Variants in MRPS9 observed in about 807,000 individuals in gnomAD.
MRPS9 encodes small ribosomal subunit protein uS9m.
In MRPS9, 45 loss-of-function variants were observed where a neutral mutation model predicts 59.9. That is an observed-to-expected ratio of 0.75 (90% CI 0.59 to 0.96). The LOEUF is 0.96. Ranked by LOEUF, MRPS9 falls within the 40% of genes least tolerant of loss-of-function variation. MRPS9 has a pLI of 0.00. For missense variants in MRPS9, 473 were observed against 481.1 expected (o/e 0.98, Z 0.16); for synonymous variants, 171 against 166.8 (o/e 1.03, Z -0.19).
chr2:105,066,125 G>A (rs141295772), intron 2 of MRPS9, among the ~76,000 whole-genome samples: 3,104 of 152,130 alleles, frequency 0.02, 49 homozygotes, highest in Non-Finnish European at 0.034. Context: ...AAAACAACTG[G>A]CTTATTTTAT....
chr2:105,090,309 C>T (rs149140266), intron 7 of MRPS9, among the ~76,000 whole-genome samples: 1 of 152,250 alleles, frequency 6.6e-6, no homozygotes, highest in Non-Finnish European at 1.5e-5. Flanking sequence ...CATCTCCTTA[C>T]GTAAGGCCAG....
At chr2:105,082,169 C>T (rs530744721) in intron 5 of MRPS9, among the ~76,000 whole-genome samples, 1 of 152,276 alleles carries the variant, frequency 6.6e-6, no homozygotes, top group East Asian at 1.9e-4. Flanking sequence ...CACGGGAGGT[C>T]GCCCCTGAAG....
chr2:105,050,714 G>A lies in MRPS9; in HGVS notation c.315+1364G>A, dbSNP rs554672674. 3.3e-5 allele frequency among the ~76,000 whole-genome samples: 5 copies of A among 152,230 alleles called. No homozygotes were observed. The South Asian group carries it at 1.0e-3, about 32-fold the overall frequency. ...AAAATTATTGACCATTATTGCTTTT[G>A]TCAGGAATGTAATAATTGAAGAGTG... On this transcript the variant is annotated intron_variant, in intron 2 of 10. Transcript: ENST00000258455.
chr2:105,097,172 CT>C lies in MRPS9; in HGVS notation c.950del (p.Phe317SerfsTer12). On this transcript the variant is annotated frameshift_variant, in exon 10 of 11. Transcript: ENST00000258455. LOFTEE classifies it high-confidence loss of function. ...ITQDREQLMF[P>X]FHFVDRLGKH... ...TGCTTTAGAGAACAGCTGATGTTCC[CT>C]TTCCACTTTGTTGACCGGCTGGGAA... The C allele has an allele frequency of 6.3e-7, 1 of 1,585,996 alleles. No homozygotes were observed. Among genetic ancestry groups the C allele is most frequent in the Non-Finnish European group, 8.6e-7 (1 of 1,166,646 alleles).
chr2:105,054,425 T>C (rs1573421235), intron 2 of MRPS9, among the ~76,000 whole-genome samples: 1 of 152,192 alleles, frequency 6.6e-6, no homozygotes, highest in South Asian at 2.1e-4. Context: ...TAGGTTGATA[T>C]TGTCTCACCT....
chr2:105,090,468 A>G (rs1273768188), intron 7 of MRPS9, among the ~76,000 whole-genome samples: 5 of 151,514 alleles, frequency 3.3e-5, no homozygotes, highest in African/African-American at 1.2e-4. Flanking sequence ...TGGGATCTGC[A>G]AACCACCTCT....
intron 7 of MRPS9, among the ~76,000 whole-genome samples, chr2:105,090,596 T>A (rs1251435792): frequency 2.6e-5 from 4 of 152,224 alleles, no homozygotes; most frequent in Admixed American, 2.6e-4. Flanking sequence ...TCCAGGCGAA[T>A]CTTATACCCT....
intron 1 of MRPS9, among the ~76,000 whole-genome samples, chr2:105,044,571 AT>A (rs1437795704): frequency 1.3e-5 from 2 of 152,152 alleles, no homozygotes; most frequent in African/African-American, 2.4e-5. Flanking sequence ...AATTAGGGCC[AT>A]TTTTTTAAAG....
chr2:105,050,810 C>T (rs771120139), intron 2 of MRPS9, among the ~76,000 whole-genome samples: 4 of 152,096 alleles, frequency 2.6e-5, no homozygotes, highest in Non-Finnish European at 5.9e-5. Flanking sequence ...TCTAAGTTTG[C>T]CTACCCCGGA....
chr2:105,067,428 T>C (rs1388211055), intron 2 of MRPS9, among the ~76,000 whole-genome samples: 1 of 152,100 alleles, frequency 6.6e-6, no homozygotes, highest in African/African-American at 2.4e-5. Flanking sequence ...ACATAGTCAG[T>C]TTGTCCTGCT....
At chr2:105,067,918 C>T (rs905007413) in intron 2 of MRPS9, among the ~76,000 whole-genome samples, 2 of 152,190 alleles carry the variant, frequency 1.3e-5, no homozygotes, top group Admixed American at 1.3e-4. Context: ...GACTTGAACT[C>T]TTGGGCTCAA....
chr2:105,071,414 A>C, intron 3 of MRPS9, 39 bp downstream of exon 3: 1 of 1,584,572 alleles, frequency 6.3e-7, no homozygotes, highest in South Asian at 1.1e-5. Context: ...TTTCACTTTT[A>C]TATGTTATGA....
intron 9 of MRPS9, 118 bp downstream of exon 9, chr2:105,093,756 T>A (rs376872601): frequency 9.7e-6 from 5 of 514,930 alleles, no homozygotes; most frequent in East Asian, 6.5e-5. Flanking sequence ...TATTTCTCTT[T>A]ACCAATGTAA....
chr2:105,091,196 A>G (rs117076353), intron 7 of MRPS9: 1 of 443,266 alleles, frequency 2.3e-6, no homozygotes, highest in East Asian at 7.1e-5. Flanking sequence ...ACTTTGGGGT[A>G]CTGGATATCA....
chr2:105,074,322 T>C (rs1351557181), intron 4 of MRPS9, among the ~76,000 whole-genome samples: 1 of 152,130 alleles, frequency 6.6e-6, no homozygotes, highest in Non-Finnish European at 1.5e-5. Flanking sequence ...TGTCATTCTT[T>C]GAAAAAGCTA....
intron 5 of MRPS9, among the ~76,000 whole-genome samples, chr2:105,082,463 A>G (rs778258644): frequency 9.9e-5 from 15 of 152,150 alleles, no homozygotes; most frequent in Non-Finnish European, 2.1e-4. Context: ...GTATTTGGTG[A>G]CTGTTTGCAT....
intron 1 of MRPS9, among the ~76,000 whole-genome samples, chr2:105,044,417 T>C (rs1281020377): frequency 6.6e-6 from 1 of 152,246 alleles, no homozygotes; most frequent in Non-Finnish European, 1.5e-5. Flanking sequence ...TCTGGACTTT[T>C]AATAAACATA....
At chr2:105,083,892 C>G (rs1362258442) in intron 5 of MRPS9, among the ~76,000 whole-genome samples, 1 of 152,118 alleles carries the variant, frequency 6.6e-6, no homozygotes, top group African/African-American at 2.4e-5. Flanking sequence ...CCCATGAAAC[C>G]AGTGCTTGGG....
chr2:105,098,430 A>G (rs567013226), intron 10 of MRPS9, among the ~76,000 whole-genome samples: 5 of 152,276 alleles, frequency 3.3e-5, no homozygotes, highest in African/African-American at 9.6e-5. Flanking sequence ...AACACTACCT[A>G]TGGCTTAGGC....
Sources: gnomAD v4.1 joint callset for allele counts (sites outside exome capture counted in the v4.1 genomes callset) on GRCh38, gnomAD v4.1.1 for gene constraint, MANE v1.5 for transcripts, NCBI Gene and HGNC (gene_info 2026-07-23, HGNC 2026-07-21) for gene names.